CLMP: variants seen among roughly 807,000 people sequenced by gnomAD.
The protein encoded by CLMP is CXADR-like membrane protein.
Under a neutral mutation model 45.2 loss-of-function variants are expected in CLMP, and 27 were observed. The observed-to-expected ratio is 0.60, with a 90% CI of 0.44 to 0.82. The LOEUF is 0.82. CLMP is among the 40% of genes least tolerant of loss of function. The pLI is 0.00. For synonymous variants in CLMP, 167 were observed against 171.4 expected, an observed-to-expected ratio of 0.97 and a Z score of 0.20; for missense variants, 403 against 448.4, an observed-to-expected ratio of 0.90 and a Z score of 0.91.
chr11:123,150,480 A>AAAGAAAGGAAGGAAGG (rs764502298), intron 1 of CLMP, among the ~76,000 whole-genome samples: 49 of 40,848 alleles, frequency 1.2e-3, no homozygotes, highest in African/African-American at 1.4e-3. Flanking sequence ...AGAAAGAAAG[A>AAAGAAAGGAAGGAAGG]AAGGAAGGAA....
intron 1 of CLMP, among the ~76,000 whole-genome samples, chr11:123,118,973 CTTT>C (rs1860762753): frequency 2.1e-5 from 1 of 47,762 alleles, no homozygotes; most frequent in Non-Finnish European, 3.9e-5. Flanking sequence ...TTCTTTCTTT[CTTT>C]CTTTCTTTCT....
chr11:123,182,450 G>T (rs1861781823), intron 1 of CLMP, among the ~76,000 whole-genome samples: 1 of 152,122 alleles, frequency 6.6e-6, no homozygotes, highest in East Asian at 1.9e-4. Flanking sequence ...ATCTCTCCTT[G>T]GACAGGGTGA....
chr11:123,182,640 C>T (rs1861784192), intron 1 of CLMP, among the ~76,000 whole-genome samples: 1 of 152,206 alleles, frequency 6.6e-6, no homozygotes, highest in Admixed American at 6.5e-5. Context: ...AATCCTCAGG[C>T]CCAAGAACAC....
Position 123,150,473 on chromosome 11 carries a change from AAGAAAG to A in CLMP, c.28+44434_28+44439del, listed in dbSNP as rs1254500116. On this transcript the variant is annotated intron_variant, in intron 1 of 6. Transcript: ENST00000448775. ...AAAGAAAGAAAGAAAGAAAGAAAGA[AAGAAAG>A]AAAGGAAGGAAGGAAGGAAGGAAGG... 6.5e-3 allele frequency among the ~76,000 whole-genome samples: 703 copies of A among 108,452 alleles called. 6 individuals carry two copies. Among genetic ancestry groups the A allele is most frequent in the Non-Finnish European group, 0.011 (543 of 48,874 alleles). The allele number at this position is 108,452 out of a possible 152,430, so 71.1% of individuals were successfully genotyped here. A position where few individuals can be genotyped will look rare whatever the true frequency, so the allele number is the denominator to read the frequency against.
At chr11:123,092,247 G>C (rs1028460172) in intron 2 of CLMP, among the ~76,000 whole-genome samples, 1 of 150,984 alleles carries the variant, frequency 6.6e-6, no homozygotes, top group Non-Finnish European at 1.5e-5. Context: ...GCTTTTCCTC[G>C]CTTTCCCTAA....
chr11:123,126,828 C>T (rs538314017), intron 1 of CLMP, among the ~76,000 whole-genome samples: 3 of 151,536 alleles, frequency 2.0e-5, no homozygotes, highest in East Asian at 1.9e-4. Context: ...ACCTGGGAGG[C>T]GGAGCTTGCA....
chr11:123,162,544 G>T (rs768927645), intron 1 of CLMP, among the ~76,000 whole-genome samples: 2 of 152,136 alleles, frequency 1.3e-5, no homozygotes, highest in Non-Finnish European at 2.9e-5. Flanking sequence ...ACCGTCAGAG[G>T]TGCTATGGGG....
intron 1 of CLMP, among the ~76,000 whole-genome samples, chr11:123,172,333 G>A (rs141298141): frequency 2.6e-5 from 4 of 151,916 alleles, no homozygotes; most frequent in Admixed American, 6.6e-5. Context: ...GGATGGTCTC[G>A]ATCTCCTGAC....
rs142545460 is a variant in CLMP, at chr11:123,192,007, T to G, written c.28+2906A>C. Among the ~76,000 whole-genome samples the G allele has an allele frequency of 2.5e-3, 386 of 152,114 alleles. 1 individual carries two copies. The highest frequency in any genetic ancestry group is 4.0e-3 in the Non-Finnish European group (272 of 67,986). ...TTCAGCTGGTGAAACCATGGACAGG[T>G]GTATGGAGGAAGTGGCATTTGAGGT... On this transcript the variant is annotated intron_variant, in intron 1 of 6. Coordinates refer to ENST00000448775, the MANE Select transcript of CLMP (RefSeq NM_024769.5).
At chr11:123,187,489 C>T (rs1299635278) in intron 1 of CLMP, among the ~76,000 whole-genome samples, 1 of 152,166 alleles carries the variant, frequency 6.6e-6, no homozygotes, top group Admixed American at 6.5e-5. Flanking sequence ...TCTTTCCTCC[C>T]CTACCAAGAA....
At chr11:123,089,795 A>AG (rs1865908561) in intron 2 of CLMP, among the ~76,000 whole-genome samples, 1 of 77,390 alleles carries the variant, frequency 1.3e-5, no homozygotes, top group Non-Finnish European at 2.4e-5. Flanking sequence ...AAAAAAAAAG[A>AG]AAAAGAAAAA....
Position 123,115,901 on chromosome 11 carries a change from G to A in CLMP, c.29-17949C>T, listed in dbSNP as rs1301491563. Among the ~76,000 whole-genome samples the A allele has an allele frequency of 2.6e-5, 4 of 152,168 alleles. No homozygotes were observed. The South Asian group carries it at 6.2e-4, about 24-fold the overall frequency. On this transcript the variant is annotated intron_variant, in intron 1 of 6. Transcript: ENST00000448775. ...AGGAATCTGAGCATGGCTTAGCTGG[G>A]TGGCTCTGACTCAGGGTCTCTCATG...
intron 1 of CLMP, among the ~76,000 whole-genome samples, chr11:123,137,157 T>C (rs1180139045): frequency 1.5e-5 from 2 of 133,244 alleles, no homozygotes; most frequent in Non-Finnish European, 3.2e-5. Flanking sequence ...CTTTTTTTTT[T>C]TTTTTTTTTT....
At chr11:123,136,242 C>T in intron 1 of CLMP, 1 of 650,974 alleles carries the variant, frequency 1.5e-6, no homozygotes, top group Non-Finnish European at 3.0e-6. Context: ...GTAGCTACTG[C>T]GTATTTTTCC....
rs1473175955 is a variant in CLMP, at chr11:123,070,052, C to G, written c.*3422G>C. ...AACTATATATGTCTTTTTGCAACAG[C>G]AGTTCCGAAATTGTTTTTATACACT... is the stretch of plus-strand genomic sequence containing the variant. On this transcript the variant is annotated 3_prime_UTR_variant, in exon 7 of 7. Coordinates refer to ENST00000448775, the MANE Select transcript of CLMP (RefSeq NM_024769.5). 1 of 152,168 alleles carries G rather than the reference C, an allele frequency of 6.6e-6. No individual in the cohort carries two copies. The highest frequency in any genetic ancestry group is 1.9e-4 in the East Asian group (1 of 5,204). The allele number at this position is 152,168 out of a possible 1,614,324, so 9.4% of individuals were successfully genotyped here.
intron 1 of CLMP, among the ~76,000 whole-genome samples, chr11:123,135,321 A>C (rs1036023316): frequency 7.9e-6 from 1 of 126,732 alleles, no homozygotes; most frequent in Non-Finnish European, 1.7e-5. Flanking sequence ...TGGTGTTCTC[A>C]AAAGTTAAAA....
At chr11:123,150,485 A>AAAGAAAGAAAGAAAGGAAGGAAGGT (rs1565397482) in intron 1 of CLMP, among the ~76,000 whole-genome samples, 1 of 109,920 alleles carries the variant, frequency 9.1e-6, no homozygotes. Flanking sequence ...GAAAGAAAGG[A>AAAGAAAGAAAGAAAGGAAGGAAGGT]AGGAAGGAAG....
intron 2 of CLMP, among the ~76,000 whole-genome samples, chr11:123,092,907 CTTTT>C (rs201940583): frequency 2.3e-5 from 3 of 128,238 alleles, no homozygotes; most frequent in Non-Finnish European, 4.9e-5. Context: ...CTGACACACA[CTTTT>C]TTTTTTTTTT....
At chr11:123,187,106 C>A (rs2135551579) in intron 1 of CLMP, among the ~76,000 whole-genome samples, 1 of 152,294 alleles carries the variant, frequency 6.6e-6, no homozygotes, top group South Asian at 2.1e-4. Context: ...CACAAAAAAA[C>A]CTCTATGACA....
Sources: allele counts gnomAD v4.1 joint callset (sites outside exome capture counted in the v4.1 genomes callset), GRCh38; gene constraint gnomAD v4.1.1; transcripts MANE v1.5; gene names NCBI Gene and HGNC (gene_info 2026-07-23, HGNC 2026-07-21).